GARIN6: variants seen among roughly 807,000 people sequenced by gnomAD.
GARIN6 encodes golgi associated RAB2 interactor family member 6, also known as Golgi-associated RAB2 interactor protein 6.
the GARIN6 span, chr12:99,648,582 A>AT: frequency 6.2e-7 from 1 of 1,614,168 alleles, no homozygotes; most frequent in Admixed American, 1.7e-5. Context: ...GCGTAAAAAA[A>AT]CAGCTCCACC....
the GARIN6 span, chr12:99,647,978 C>T: frequency 1.5e-6 from 1 of 685,924 alleles, no homozygotes; most frequent in Non-Finnish European, 2.4e-6. Flanking sequence ...AGGGGACTGA[C>T]TGTCTCTGGC....
chr12:99,649,138 G>A, the GARIN6 span: 10 of 678,634 alleles, frequency 1.5e-5, no homozygotes, highest in Admixed American at 7.2e-5. Flanking sequence ...GTTGTAGGAC[G>A]TGTCTCCCTG....
chr12:99,648,059 C>A, the GARIN6 span: 5 of 1,414,940 alleles, frequency 3.5e-6, no homozygotes, highest in Non-Finnish European at 4.7e-6. Flanking sequence ...AGAAAGCCTG[C>A]AGAACACGAC....
the GARIN6 span, chr12:99,648,038 G>C: frequency 8.1e-7 from 1 of 1,231,510 alleles, no homozygotes; most frequent in Admixed American, 2.8e-5. Flanking sequence ...TCAGTCACTT[G>C]GGGACAAAAA....
the GARIN6 span, chr12:99,649,326 C>A: frequency 1.9e-6 from 3 of 1,614,028 alleles, no homozygotes; most frequent in Non-Finnish European, 2.5e-6. Flanking sequence ...AGGAGCAATT[C>A]AGAATCAGTA....
the GARIN6 span, chr12:99,649,168 T>C: frequency 1.3e-5 from 10 of 796,602 alleles, no homozygotes; most frequent in South Asian, 1.6e-4. Flanking sequence ...CTTATATACA[T>C]TGGTGGCAAC....
chr12:99,648,228 G>A, the GARIN6 span: 1 of 1,614,174 alleles, frequency 6.2e-7, no homozygotes, highest in South Asian at 1.1e-5. Context: ...GCCCCGCAAT[G>A]GGCATGTTTA....
chr12:99,648,301 G>T, the GARIN6 span: 1 of 1,614,172 alleles, frequency 6.2e-7, no homozygotes, highest in Non-Finnish European at 8.5e-7. Context: ...ATTCAGGTAT[G>T]CACCCATGTT....
the GARIN6 span, chr12:99,649,748 G>C: frequency 4.3e-5 from 8 of 186,364 alleles, no homozygotes; most frequent in Admixed American, 3.5e-4. Flanking sequence ...CTAGAGAGCA[G>C]TATGAATGTG....
the GARIN6 span, chr12:99,648,410 G>C: frequency 1.9e-6 from 3 of 1,614,144 alleles, no homozygotes; most frequent in Non-Finnish European, 2.5e-6. Flanking sequence ...ACCAGCCCCT[G>C]CCTCACACTA....
chr12:99,648,590 A>T, the GARIN6 span: 2 of 1,614,042 alleles, frequency 1.2e-6, no homozygotes, highest in Non-Finnish European at 1.7e-6. Flanking sequence ...AAACAGCTCC[A>T]CCTGAAGCTT....
chr12:99,649,402 C>T, the GARIN6 span: 2 of 1,597,876 alleles, frequency 1.3e-6, no homozygotes, highest in East Asian at 4.5e-5. Flanking sequence ...GATATGAATC[C>T]AACATACCTC....
At chr12:99,648,657 C>T in the GARIN6 span, 1 of 1,614,164 alleles carries the variant, frequency 6.2e-7, no homozygotes. Flanking sequence ...CAAGTGAAGA[C>T]CTTTTTGTTC....
At chr12:99,649,482 C>A in the GARIN6 span, 1 of 1,092,850 alleles carries the variant, frequency 9.2e-7, no homozygotes, top group Non-Finnish European at 1.4e-6. Context: ...GATGAAGGGG[C>A]AGGGTAGCAA....
the GARIN6 span, chr12:99,648,481 G>A: frequency 1.2e-6 from 2 of 1,614,104 alleles, no homozygotes; most frequent in Non-Finnish European, 1.7e-6. Context: ...GTGTGGTCCT[G>A]CCACCCAGAA....
chr12:99,647,914 C>T, the GARIN6 span: 1 of 466,528 alleles, frequency 2.1e-6, no homozygotes, highest in East Asian at 3.2e-5. Context: ...ACGAGGGCCC[C>T]AACACCTGTG....
At chr12:99,647,905 C>T in the GARIN6 span, 13 of 436,968 alleles carry the variant, frequency 3.0e-5, no homozygotes, top group Non-Finnish European at 4.9e-5. Context: ...CGGACATCCA[C>T]GAGGGCCCCA....
At chr12:99,649,143 T>G in the GARIN6 span, 1 of 691,826 alleles carries the variant, frequency 1.4e-6, no homozygotes, top group Non-Finnish European at 2.5e-6. Flanking sequence ...AGGACGTGTC[T>G]CCCTGCAATT....
At chr12:99,649,009 T>C in the GARIN6 span, among the ~76,000 whole-genome samples, 1 of 152,150 alleles carries the variant, frequency 6.6e-6, no homozygotes, top group East Asian at 1.9e-4. Context: ...TTCTTAGCTG[T>C]CAGCAACTCT....
Sources: gnomAD v4.1 joint callset for allele counts (sites outside exome capture counted in the v4.1 genomes callset) on GRCh38, gnomAD v4.1.1 for gene constraint, MANE v1.5 for transcripts, NCBI Gene and HGNC (gene_info 2026-07-23, HGNC 2026-07-21) for gene names.